Variants in TNIP1 observed in about 807,000 individuals in gnomAD.
The protein encoded by TNIP1 is TNFAIP3-interacting protein 1.
TNIP1 carries 22 observed loss-of-function variants against 86.6 expected under a neutral mutation model. That is an observed-to-expected ratio of 0.25 (90% CI 0.18 to 0.36). The LOEUF (loss-of-function observed/expected upper bound fraction) is 0.36, where lower values mean the gene tolerates loss of function less well. Among genes scored for constraint, TNIP1 ranks in the 10% least tolerant of loss-of-function variants. The probability of loss-of-function intolerance (pLI) is 1.00; values close to 1 mark genes in which losing one functional copy is unlikely to be tolerated. For synonymous variants in TNIP1, 294 were observed against 313.0 expected, an observed-to-expected ratio of 0.94 and a Z score of 0.64; for missense variants, 709 against 820.6, an observed-to-expected ratio of 0.86 and a Z score of 1.66.
chr5:151,059,812 AGAGAGAGAGAGAGAGAGTGT>A (rs1488685097), intron 5 of TNIP1, among the ~76,000 whole-genome samples: 57 of 115,872 alleles, frequency 4.9e-4, no homozygotes, highest in African/African-American at 2.0e-3. Context: ...AGAGAGAGAG[AGAGAGAGAGAGAGAGAGTGT>A]GTGTGTGTGT....
chr5:151,032,248 T>TC (rs1187595825), intron 17 of TNIP1, 39 bp downstream of exon 17: 2 of 1,520,848 alleles, frequency 1.3e-6, no homozygotes, highest in Middle Eastern at 1.8e-4. Flanking sequence ...AGATATTATC[T>TC]CCCCCAGGGA....
At chr5:151,079,153 C>T (rs1763719679) in intron 1 of TNIP1, among the ~76,000 whole-genome samples, 1 of 152,300 alleles carries the variant, frequency 6.6e-6, no homozygotes, top group East Asian at 1.9e-4. Context: ...GGCATGATCA[C>T]GTGCTTCCAT....
At chr5:151,059,820 AGAGAGAGAGTGTGT>A (rs1411575465) in intron 5 of TNIP1, among the ~76,000 whole-genome samples, 3 of 93,746 alleles carry the variant, frequency 3.2e-5, no homozygotes, top group African/African-American at 1.6e-4. Flanking sequence ...AGAGAGAGAG[AGAGAGAGAGTGTGT>A]GTGTGTGTGT....
chr5:151,042,777 TCTC>T, intron 10 of TNIP1, 106 bp from the exon 11 acceptor site: 1 of 1,594,062 alleles, frequency 6.3e-7, no homozygotes. Flanking sequence ...GCCCCCAACT[TCTC>T]CTCTGGGCCA....
rs1355742766 is a variant in TNIP1 at position 151,030,638 on chromosome 5, G to C, written c.*75C>G. 17 of 1,610,532 alleles carry C rather than the reference G, an allele frequency of 1.1e-5. No homozygotes were observed. The highest frequency in any genetic ancestry group is 1.7e-5 in the Admixed American group (1 of 59,680). ...AGGCTCTGGCCACACCGTGCAAGTG[G>C]CTTCTAGTTTCTTGGCAATCTGAGA... is the stretch of plus-strand genomic sequence containing the variant. On this transcript the variant is annotated 3_prime_UTR_variant, in exon 18 of 18. Coordinates refer to ENST00000521591, the MANE Select transcript of TNIP1 (RefSeq NM_006058.5).
intron 12 of TNIP1, among the ~76,000 whole-genome samples, chr5:151,037,840 G>T (rs991517748): frequency 7.2e-5 from 11 of 152,194 alleles, no homozygotes; most frequent in African/African-American, 2.7e-4. Context: ...GACACGCAAA[G>T]AAACTGCAGG....
chr5:151,081,890 C>G (rs1764054423), upstream of TNIP1, among the ~76,000 whole-genome samples: 1 of 152,128 alleles, frequency 6.6e-6, no homozygotes, highest in Non-Finnish European at 1.5e-5. Context: ...TTTTTAAAAG[C>G]TTATCCTTTT....
chr5:151,035,472 A>G (rs558910941), intron 14 of TNIP1, 110 bp downstream of exon 14: 1 of 1,502,862 alleles, frequency 6.7e-7, no homozygotes, highest in Non-Finnish European at 9.1e-7. Context: ...GCAGAGCTGG[A>G]GAGAAGCAGT....
intron 4 of TNIP1, 73 bp downstream of exon 4, chr5:151,062,054 T>A: frequency 2.2e-6 from 3 of 1,369,758 alleles, no homozygotes; most frequent in Non-Finnish European, 3.1e-6. Flanking sequence ...TCTTTCTTCA[T>A]GTTCTTGTAT....
In TNIP1 at chr5:151,044,417, G is replaced by A. The variant is rs148076408; in HGVS notation, c.936+1444C>T. Among the ~76,000 whole-genome samples the A allele has an allele frequency of 1.5e-3, 234 of 151,906 alleles. 1 individual carries two copies. The highest frequency in any genetic ancestry group is 5.1e-3 in the African/African-American group (211 of 41,354). On this transcript the variant is annotated intron_variant, in intron 9 of 17. Transcript: ENST00000521591. The stretch of plus-strand genomic sequence containing the variant: ...TGTATATACATATATATACACACAC[G>A]TATATGTATAATTTTATTCTACTTT...
At chr5:151,045,701 A>G (rs1385541250) in intron 9 of TNIP1, among the ~76,000 whole-genome samples, 160 bp downstream of exon 9, 2 of 152,160 alleles carry the variant, frequency 1.3e-5, no homozygotes, top group Non-Finnish European at 2.9e-5. Flanking sequence ...CAGGGCAAGG[A>G]GTCAGACCTC....
intron 5 of TNIP1, among the ~76,000 whole-genome samples, chr5:151,059,195 C>T (rs771286067): frequency 6.6e-6 from 1 of 152,226 alleles, no homozygotes; most frequent in Non-Finnish European, 1.5e-5. Flanking sequence ...GAACTTACTA[C>T]GTCAGTTAAA....
upstream of TNIP1, among the ~76,000 whole-genome samples, chr5:151,081,399 A>G (rs1017824621): frequency 6.6e-6 from 1 of 151,948 alleles, no homozygotes; most frequent in Non-Finnish European, 1.5e-5. Flanking sequence ...AACACAGGCC[A>G]GAACAGGGAG....
At chr5:151,047,178 A>C (rs1759283381) in intron 8 of TNIP1, among the ~76,000 whole-genome samples, 1 of 152,236 alleles carries the variant, frequency 6.6e-6, no homozygotes, top group Admixed American at 6.5e-5. Flanking sequence ...CACTGACATC[A>C]TGTACCCCTG....
intron 6 of TNIP1, among the ~76,000 whole-genome samples, chr5:151,054,713 ATTG>A (rs956119469): frequency 1.3e-5 from 2 of 152,178 alleles, no homozygotes; most frequent in African/African-American, 4.8e-5. Flanking sequence ...TCAAAAAATT[ATTG>A]TTATGAGTCC....
At chr5:151,033,499 T>C in intron 16 of TNIP1, 109 bp downstream of exon 16, 1 of 729,914 alleles carries the variant, frequency 1.4e-6, no homozygotes, top group Non-Finnish European at 2.2e-6. Context: ...CGGTGCTGTT[T>C]AGTTCAGAAG....
chr5:151,033,899 CAGGCTGGGTACCAA>C, intron 15 of TNIP1, 100 bp from the exon 16 acceptor site: 1 of 1,122,374 alleles, frequency 8.9e-7, no homozygotes, highest in South Asian at 2.5e-5. Context: ...TGAAGGCTAG[CAGGCTGGGTACCAA>C]AGGCTGGTAT....
intron 1 of TNIP1, among the ~76,000 whole-genome samples, chr5:151,077,678 C>T (rs900038672): frequency 6.6e-6 from 1 of 152,218 alleles, no homozygotes; most frequent in Non-Finnish European, 1.5e-5. Context: ...ACTGGCACCA[C>T]CACCATCCAC....
chr5:151,084,570 A>G (rs1764208476), upstream of TNIP1, among the ~76,000 whole-genome samples: 1 of 152,190 alleles, frequency 6.6e-6, no homozygotes, highest in Non-Finnish European at 1.5e-5. Flanking sequence ...TGTGATTCAT[A>G]CATAGGACAG....
Sources: allele counts gnomAD v4.1 joint callset (sites outside exome capture counted in the v4.1 genomes callset), GRCh38; gene constraint gnomAD v4.1.1; transcripts MANE v1.5; gene names NCBI Gene and HGNC (gene_info 2026-07-23, HGNC 2026-07-21).